Variants in ERICH3 observed in about 807,000 individuals in gnomAD.
ERICH3 encodes glutamate-rich protein 3.
A neutral mutation model predicts 131.1 loss-of-function variants in ERICH3; 126 were observed. That is an observed-to-expected ratio of 0.96 (90% CI 0.83 to 1.11). ERICH3 has a LOEUF of 1.11. Among genes scored for constraint, ERICH3 ranks in the 50% most tolerant of loss-of-function variants. The pLI is 0.00. For synonymous variants in ERICH3, 695 were observed against 644.6 expected (o/e 1.08, Z -1.18); for missense variants, 2,050 against 1,810.7 (o/e 1.13, Z -2.40).
In ERICH3 at chr1:74,636,044, TCAC is replaced by T. The variant is rs1473969205; in HGVS notation, c.603+233_603+235del. Among the ~76,000 whole-genome samples the T allele has an allele frequency of 2.0e-5, 3 of 152,148 alleles. No homozygotes were observed. In the East Asian group the frequency reaches 5.8e-4, roughly 29 times the overall value. ...ATCAGCCTTGTAAACTAAGGAGAAA[TCAC>T]CATGCATTATTACCAATCTATTCTT... On this transcript the variant is annotated intron_variant, in intron 6 of 14. Transcript: ENST00000326665.
In ERICH3 at chr1:74,582,229, T is replaced by C. The variant is rs538286111; in HGVS notation, c.2177-5293A>G. 9.9e-5 allele frequency among the ~76,000 whole-genome samples: 15 copies of C among 152,262 alleles called. No homozygotes were observed. The South Asian group carries it at 1.7e-3, about 17-fold the overall frequency. ...CACCCCTGCTTCCAGCCTCTTCTAATCCTTTAAGTCTAGGATGATTTCTTT... is the reference window on the plus strand; with the variant it reads ...CACCCCTGCTTCCAGCCTCTTCTAACCCTTTAAGTCTAGGATGATTTCTTT... On this transcript the variant is annotated intron_variant, in intron 12 of 14. Coordinates refer to ENST00000326665, the MANE Select transcript of ERICH3 (RefSeq NM_001002912.5).
At chr1:74,595,582 A>G (rs2100570948) in intron 11 of ERICH3, among the ~76,000 whole-genome samples, 1 of 152,200 alleles carries the variant, frequency 6.6e-6, no homozygotes, top group East Asian at 1.9e-4. Flanking sequence ...CAATCAAATC[A>G]TGTGTCACAT....
At chr1:74,672,445 T>C (rs1051160252) in intron 1 of ERICH3, among the ~76,000 whole-genome samples, 2 of 152,246 alleles carry the variant, frequency 1.3e-5, no homozygotes, top group South Asian at 2.1e-4. Context: ...GCTTTAGTTT[T>C]TTCAAACATT....
Position 74,572,243 on chromosome 1 carries a change from A to G in ERICH3, c.3467T>C (p.Ile1156Thr). 3.1e-6 allele frequency: 5 copies of G among 1,614,072 alleles called. No individual in the cohort carries two copies. Among genetic ancestry groups the G allele is most frequent in the Non-Finnish European group, 4.2e-6 (5 of 1,180,018 alleles). ...EDSLKETVVP[I>T]FEATPGFEKS... ...TTCAAATCCAGGCGTTGCTTCAAAT[A>G]TGGGAACCACTGTCTCTTTTAGTGA... Residue 1156 changes from isoleucine to threonine, a missense_variant, in exon 14 of 15, where the codon ATA becomes ACA. Physicochemically the swap from Ile to Thr is moderately conservative, Grantham distance 89. Coordinates refer to ENST00000326665, the MANE Select transcript of ERICH3 (RefSeq NM_001002912.5).
At chr1:74,602,606 C>A (rs1557678743) in intron 10 of ERICH3, among the ~76,000 whole-genome samples, 1 of 151,834 alleles carries the variant, frequency 6.6e-6, no homozygotes, top group Non-Finnish European at 1.5e-5. Context: ...TAAACCCTTG[C>A]GGCTGTGGCT....
rs560043529 is a variant in ERICH3, at chr1:74,613,460, C to T, written c.1001-651G>A. 2.6e-5 allele frequency among the ~76,000 whole-genome samples: 4 copies of T among 152,094 alleles called. No individual in the cohort carries two copies. The South Asian group carries it at 6.2e-4, about 24-fold the overall frequency. ...TCCAAACATCTCTGTAGATTCCATG[C>T]CTCTATCTTGCTATGCTATCTATTG... On this transcript the variant is annotated intron_variant, in intron 8 of 14. Coordinates refer to ENST00000326665, the MANE Select transcript of ERICH3 (RefSeq NM_001002912.5).
At chr1:74,605,036 T>C (rs1648319509) in intron 10 of ERICH3, among the ~76,000 whole-genome samples, 1 of 152,028 alleles carries the variant, frequency 6.6e-6, no homozygotes, top group Non-Finnish European at 1.5e-5. Context: ...TGCTGTTTAA[T>C]GTAGCTACAT....
At chr1:74,659,151 G>T (rs1020474384) in intron 1 of ERICH3, among the ~76,000 whole-genome samples, 1 of 152,166 alleles carries the variant, frequency 6.6e-6, no homozygotes, top group Non-Finnish European at 1.5e-5. Flanking sequence ...AACTGAATAA[G>T]TGCCTGGCCA....
chr1:74,634,534 G>GAA, intron 6 of ERICH3: 1 of 593,100 alleles, frequency 1.7e-6, no homozygotes, highest in South Asian at 2.2e-5. Flanking sequence ...CACATTAAAG[G>GAA]AAAAAAAAAT....
chr1:74,650,280 T>C (rs1646521064), intron 1 of ERICH3, among the ~76,000 whole-genome samples: 2 of 152,128 alleles, frequency 1.3e-5, no homozygotes, highest in Non-Finnish European at 2.9e-5. Flanking sequence ...AGAGGATAAA[T>C]TGGTTTGTTG....
intron 8 of ERICH3, among the ~76,000 whole-genome samples, chr1:74,620,086 G>A (rs558236008): frequency 6.6e-6 from 1 of 152,268 alleles, no homozygotes; most frequent in East Asian, 1.9e-4. Context: ...TCTTAAGCAA[G>A]GAAGTAACAA....
chr1:74,597,423 T>C (rs1471923982), intron 11 of ERICH3, among the ~76,000 whole-genome samples: 1 of 152,060 alleles, frequency 6.6e-6, no homozygotes, highest in Non-Finnish European at 1.5e-5. Context: ...ACATCATTAA[T>C]GAAACAACAA....
rs756793134 is a variant in ERICH3 at position 74,571,630 on chromosome 1, C to T, written c.4080G>A (p.Leu1360=). 13 of 1,614,032 alleles carry T rather than the reference C, an allele frequency of 8.1e-6. No homozygotes were observed. The African/African-American group carries it at 1.2e-4, about 15-fold the overall frequency. The change falls in exon 14 of 15, where the codon TTG becomes TTA. Residue 1360 remains leucine, a synonymous_variant. Coordinates refer to ENST00000326665, the MANE Select transcript of ERICH3 (RefSeq NM_001002912.5). Reference sequence around the variant, plus strand: ...TCTCCTCGGCTGTCTCCGAACCTGCCAACACCTCCCTCTCCTCTGCGGCTG... The same window carrying T: ...TCTCCTCGGCTGTCTCCGAACCTGCTAACACCTCCCTCTCCTCTGCGGCTG... ...AETAAEEREV[L]AGSETAEEKT...
chr1:74,660,471 T>C (rs1646630020), intron 1 of ERICH3, among the ~76,000 whole-genome samples: 1 of 151,498 alleles, frequency 6.6e-6, no homozygotes, highest in South Asian at 2.1e-4. Flanking sequence ...ACTCTTTATT[T>C]ATATTTGATC....
At chr1:74,647,361 G>T (rs1247076901) in intron 2 of ERICH3, among the ~76,000 whole-genome samples, 1 of 151,984 alleles carries the variant, frequency 6.6e-6, no homozygotes, top group Non-Finnish European at 1.5e-5. Flanking sequence ...TCATCAGTTT[G>T]CTTTAAAAAT....
At chr1:74,608,617 T>C (rs573128267) in intron 9 of ERICH3, among the ~76,000 whole-genome samples, 9 of 152,208 alleles carry the variant, frequency 5.9e-5, no homozygotes, top group Middle Eastern at 3.4e-3. Context: ...TTATATCACT[T>C]AACTTTTCAA....
In ERICH3 at chr1:74,599,911, C is replaced by T. The variant is rs1648046192; in HGVS notation, c.1510G>A (p.Val504Ile). The T allele has an allele frequency of 6.2e-7, 1 of 1,609,480 alleles. No homozygotes were observed. The highest frequency in any genetic ancestry group is 8.5e-7 in the Non-Finnish European group (1 of 1,177,866). Residue 504 changes from valine to isoleucine, a missense_variant, in exon 11 of 15, where the codon GTA becomes ATA. By Grantham distance (29) the Val-to-Ile change is conservative. Transcript: ENST00000326665. ...TTTTCACCTTGTTTCTCCTCATCTA[C>T]TTCAAAGTCTTCTTCATACTCTGAA... ...LKYEYEEDFE[V>I]DEEKQGEKSN... is the part of the protein sequence containing the mutation.
chr1:74,588,549 T>C (rs532559761), intron 12 of ERICH3, among the ~76,000 whole-genome samples: 2 of 152,216 alleles, frequency 1.3e-5, no homozygotes, highest in African/African-American at 4.8e-5. Flanking sequence ...AGCATTCATA[T>C]GCTTTTAAAA....
At chr1:74,673,284 G>A (rs1646758609) in intron 1 of ERICH3, among the ~76,000 whole-genome samples, 1 of 152,078 alleles carries the variant, frequency 6.6e-6, no homozygotes, top group South Asian at 2.1e-4. Flanking sequence ...GGCGAACGTG[G>A]GTGAAAGAAA....
Sources: gnomAD v4.1 joint callset for allele counts (sites outside exome capture counted in the v4.1 genomes callset) on GRCh38, gnomAD v4.1.1 for gene constraint, MANE v1.5 for transcripts, NCBI Gene and HGNC (gene_info 2026-07-23, HGNC 2026-07-21) for gene names.